PARVA: variants seen among roughly 807,000 people sequenced by gnomAD.
PARVA encodes parvin alpha, also known as alpha-parvin.
PARVA carries 25 observed loss-of-function variants against 52.6 expected under a neutral mutation model. That is an observed-to-expected ratio of 0.48 (90% CI 0.35 to 0.66). The LOEUF (loss-of-function observed/expected upper bound fraction) is 0.66, where lower values mean the gene tolerates loss of function less well. PARVA is among the 30% of genes least tolerant of loss of function. The pLI, the probability that PARVA is intolerant of heterozygous loss-of-function variation, is 0.01. For missense variants in PARVA, 373 were observed against 450.9 expected, an observed-to-expected ratio of 0.83 and a Z score of 1.56; for synonymous variants, 185 against 179.1, an observed-to-expected ratio of 1.03 and a Z score of -0.26.
chr11:12,472,102 C>T (rs2135034455), intron 1 of PARVA, among the ~76,000 whole-genome samples: 1 of 152,246 alleles, frequency 6.6e-6, no homozygotes, highest in Middle Eastern at 3.4e-3. Flanking sequence ...ACAATCTGTA[C>T]CTACAGAATC....
At chr11:12,471,166 GT>G (rs995435189) in intron 1 of PARVA, among the ~76,000 whole-genome samples, 16 of 152,196 alleles carry the variant, frequency 1.1e-4, no homozygotes, top group Non-Finnish European at 2.9e-5. Context: ...GTTCATTTTA[GT>G]GCTGGTATGG....
chr11:12,465,057 G>A (rs1940836226), intron 1 of PARVA, among the ~76,000 whole-genome samples: 1 of 152,188 alleles, frequency 6.6e-6, no homozygotes, highest in Admixed American at 6.5e-5. Context: ...CTGACAGGAG[G>A]CAGAGCTCAG....
intron 1 of PARVA, among the ~76,000 whole-genome samples, chr11:12,389,564 A>ACT (rs1589938238): frequency 6.6e-6 from 1 of 152,336 alleles, no homozygotes; most frequent in East Asian, 1.9e-4. Context: ...AGAAGCATTT[A>ACT]GGTGGAACTC....
At chr11:12,488,537 G>A (rs1450240178) in intron 4 of PARVA, among the ~76,000 whole-genome samples, 1 of 152,214 alleles carries the variant, frequency 6.6e-6, no homozygotes, top group East Asian at 1.9e-4. Flanking sequence ...CTTGGGTAGA[G>A]TCTGAGCAAG....
chr11:12,440,105 A>C (rs1156347385), intron 1 of PARVA, among the ~76,000 whole-genome samples: 1 of 152,238 alleles, frequency 6.6e-6, no homozygotes, highest in East Asian at 1.9e-4. Flanking sequence ...CTGTATCCCC[A>C]GCACCTGGAA....
intron 1 of PARVA, among the ~76,000 whole-genome samples, chr11:12,457,756 T>C (rs2135020173): frequency 6.6e-6 from 1 of 152,284 alleles, no homozygotes; most frequent in East Asian, 1.9e-4. Flanking sequence ...TCAGTCCTCT[T>C]GGACCACTCA....
intron 1 of PARVA, among the ~76,000 whole-genome samples, chr11:12,390,483 G>A (rs1157838177): frequency 6.6e-6 from 1 of 152,234 alleles, no homozygotes; most frequent in Non-Finnish European, 1.5e-5. Flanking sequence ...TCAGAGTCCA[G>A]GGTGAGGTCT....
At chr11:12,445,747 C>T (rs751949810) in intron 1 of PARVA, among the ~76,000 whole-genome samples, 6 of 152,098 alleles carry the variant, frequency 3.9e-5, no homozygotes, top group Non-Finnish European at 5.9e-5. Context: ...AAATAACAGC[C>T]GGCTCCATAC....
At position 12,415,686 on chromosome 11, in the gene PARVA, A is replaced by G. The variant is rs565154120; in HGVS notation, c.136+37903A>G. Among the ~76,000 whole-genome samples, 4 of 152,358 alleles carry G rather than the reference A, an allele frequency of 2.6e-5. No individual in the cohort carries two copies. In the East Asian group the frequency reaches 7.7e-4, roughly 29 times the overall value. ...TGTTAGAATAATTTCATTTTGAAAT[A>G]TGGTGGTAGTAAAATTCAGCATTAA... On this transcript the variant is annotated intron_variant, in intron 1 of 12. Transcript: ENST00000334956.
intron 1 of PARVA, among the ~76,000 whole-genome samples, chr11:12,428,713 C>G (rs6485734): frequency 0.12 from 18,588 of 152,208 alleles, 2,098 homozygotes; most frequent in African/African-American, 0.3. Context: ...GGCCAATTGA[C>G]TAGCGGAGCA....
At chr11:12,498,287 C>T (rs772027704) in intron 5 of PARVA, among the ~76,000 whole-genome samples, 22 of 152,106 alleles carry the variant, frequency 1.4e-4, no homozygotes, top group Non-Finnish European at 2.1e-4. Flanking sequence ...CCACCCGCCT[C>T]GGCCTCCCAA....
intron 1 of PARVA, among the ~76,000 whole-genome samples, chr11:12,472,313 G>A (rs1940945176): frequency 6.6e-6 from 1 of 152,208 alleles, no homozygotes; most frequent in African/African-American, 2.4e-5. Context: ...GGACCACATT[G>A]CAGCCCGTGA....
chr11:12,441,779 T>G (rs1940469913), intron 1 of PARVA, among the ~76,000 whole-genome samples: 1 of 152,240 alleles, frequency 6.6e-6, no homozygotes, highest in South Asian at 2.1e-4. Context: ...TATATTTTAA[T>G]GATTTTTCCC....
At position 12,532,864 on chromosome 11, in the gene PARVA, C is replaced by T. The variant is rs1322968671; in HGVS notation, c.*4939C>T. Among the ~76,000 whole-genome samples the T allele has an allele frequency of 6.6e-6, 1 of 152,174 alleles. No homozygotes were observed. The highest frequency in any genetic ancestry group is 1.9e-4 in the East Asian group (1 of 5,182). On this transcript the variant is annotated 3_prime_UTR_variant, in exon 13 of 13. Coordinates refer to ENST00000334956, the MANE Select transcript of PARVA (RefSeq NM_018222.5). ...GGGAGAAGACGGATCCGATCGCAGG[C>T]ATCGGGAGTGCTGATTTTTCTCCTT... is the stretch of plus-strand genomic sequence containing the variant.
At chr11:12,494,449 T>C (rs1941272028) in intron 4 of PARVA, among the ~76,000 whole-genome samples, 1 of 152,114 alleles carries the variant, frequency 6.6e-6, no homozygotes, top group African/African-American at 2.4e-5. Context: ...CAGATGTAGG[T>C]GAAAGGGGCT....
chr11:12,427,915 C>A (rs540484667), intron 1 of PARVA, among the ~76,000 whole-genome samples: 2 of 152,188 alleles, frequency 1.3e-5, no homozygotes, highest in African/African-American at 4.8e-5. Context: ...CGTGTGTCCC[C>A]GAAGCTTGTA....
intron 1 of PARVA, among the ~76,000 whole-genome samples, chr11:12,443,112 G>A (rs1589959023): frequency 6.8e-6 from 1 of 146,228 alleles, no homozygotes; most frequent in Admixed American, 6.9e-5. Context: ...CCGCCCGCCT[G>A]GGCCTCCCAA....
At chr11:12,452,876 G>A (rs919561748) in intron 1 of PARVA, 3 of 363,474 alleles carry the variant, frequency 8.3e-6, no homozygotes, top group African/African-American at 2.1e-5. Context: ...CATTCTCTTC[G>A]GGAAGCATTT....
At chr11:12,517,819 C>T (rs1941589546) in intron 11 of PARVA, 108 bp downstream of exon 11, 1 of 746,090 alleles carries the variant, frequency 1.3e-6, no homozygotes, top group South Asian at 1.6e-5. Context: ...TTCCCCTCTG[C>T]TCAACGTCTT....
Sources: allele counts gnomAD v4.1 joint callset (sites outside exome capture counted in the v4.1 genomes callset), GRCh38; gene constraint gnomAD v4.1.1; transcripts MANE v1.5; gene names NCBI Gene and HGNC (gene_info 2026-07-23, HGNC 2026-07-21).